DDR2: variants seen among roughly 807,000 people sequenced by gnomAD.
The protein encoded by DDR2 is discoidin domain-containing receptor 2.
A neutral mutation model predicts 94.9 loss-of-function variants in DDR2; 27 were observed. That is an observed-to-expected ratio of 0.28 (90% CI 0.21 to 0.39). DDR2 has a LOEUF of 0.39. Among genes scored for constraint, DDR2 ranks in the 10% least tolerant of loss-of-function variants. DDR2 has a pLI of 1.00. For synonymous variants in DDR2, 382 were observed against 377.2 expected (o/e 1.01, Z -0.15); for missense variants, 783 against 1,076.0 (o/e 0.73, Z 3.81).
At chr1:162,654,064 G>A (rs866114146) in intron 1 of DDR2, among the ~76,000 whole-genome samples, 3 of 152,196 alleles carry the variant, frequency 2.0e-5, no homozygotes, top group South Asian at 4.1e-4. Context: ...GTATGCAGAC[G>A]TGGAACTGTC....
In DDR2 at chr1:162,759,992, G is replaced by A. The variant is rs1016187923; in HGVS notation, c.855+13G>A. On this transcript the variant is annotated intron_variant, in intron 8 of 17. Transcript: ENST00000367921. ...CACTACCATGAAGGTCAGTGGGGTC[G>A]GGTGTGGTGGAACTTCTTTAAGGAG... The A allele has an allele frequency of 6.2e-6, 10 of 1,613,872 alleles. No individual in the cohort carries two copies. Among genetic ancestry groups the A allele is most frequent in the African/African-American group, 4.0e-5 (3 of 74,858 alleles).
intron 1 of DDR2, among the ~76,000 whole-genome samples, chr1:162,647,374 G>T (rs1221785562): frequency 1.3e-5 from 2 of 152,094 alleles, no homozygotes; most frequent in African/African-American, 2.4e-5. Context: ...TAGCTCTAAG[G>T]TCAATATGGA....
chr1:162,687,555 G>A (rs1168516150), intron 2 of DDR2, among the ~76,000 whole-genome samples: 1 of 152,094 alleles, frequency 6.6e-6, no homozygotes, highest in Non-Finnish European at 1.5e-5. Flanking sequence ...AACTGTCTTA[G>A]GAAAAGAGCT....
intron 7 of DDR2, among the ~76,000 whole-genome samples, chr1:162,758,984 G>A (rs1663588274): frequency 6.6e-6 from 1 of 152,108 alleles, no homozygotes; most frequent in South Asian, 2.1e-4. Context: ...CATACATGCA[G>A]TTATATTCCA....
intron 3 of DDR2, among the ~76,000 whole-genome samples, chr1:162,752,700 G>A (rs1442522003): frequency 1.3e-5 from 2 of 152,300 alleles, no homozygotes; most frequent in Non-Finnish European, 2.9e-5. Context: ...GGGTCATAAA[G>A]GCGCCTGGTG....
chr1:162,661,248 T>C (rs1332216880), intron 2 of DDR2, among the ~76,000 whole-genome samples: 2 of 152,178 alleles, frequency 1.3e-5, no homozygotes, highest in Non-Finnish European at 2.9e-5. Flanking sequence ...CCTCCACAAA[T>C]TGATTTCATT....
At chr1:162,673,123 C>G (rs938334169) in intron 2 of DDR2, among the ~76,000 whole-genome samples, 1 of 152,144 alleles carries the variant, frequency 6.6e-6, no homozygotes, top group East Asian at 1.9e-4. Flanking sequence ...GTATAACAAT[C>G]AGCTCAAATG....
rs1663433554 is a variant in DDR2 at position 162,755,783 on chromosome 1, A to G, written c.671+14A>G. The stretch of plus-strand genomic sequence containing the variant: ...TGTTGGATACAGGTAAATCCTGGGA[A>G]ACTTTATTAGAATGGGAAATTGGCC... On this transcript the variant is annotated intron_variant, in intron 7 of 17. Transcript: ENST00000367921. The G allele has an allele frequency of 1.2e-6, 2 of 1,608,422 alleles. No individual in the cohort carries two copies. Among genetic ancestry groups the G allele is most frequent in the African/African-American group, 1.3e-5 (1 of 74,802 alleles).
intron 2 of DDR2, among the ~76,000 whole-genome samples, chr1:162,717,534 C>T (rs1317040456): frequency 6.6e-6 from 1 of 152,118 alleles, no homozygotes; most frequent in Non-Finnish European, 1.5e-5. Context: ...CCCCTAATGT[C>T]CTTTGTCTGG....
At chr1:162,742,427 G>A (rs186463019) in intron 3 of DDR2, among the ~76,000 whole-genome samples, 4 of 152,354 alleles carry the variant, frequency 2.6e-5, no homozygotes, top group African/African-American at 7.2e-5. Context: ...GTGGGAGCAG[G>A]CATGTCACAT....
chr1:162,691,152 T>C (rs1659946065), intron 2 of DDR2, among the ~76,000 whole-genome samples: 1 of 152,178 alleles, frequency 6.6e-6, no homozygotes, highest in Non-Finnish European at 1.5e-5. Context: ...TTTAGTGGCC[T>C]TGTGAGTTCG....
In DDR2 at chr1:162,721,309, A is replaced by T. The variant is rs183520098; in HGVS notation, c.82+2164A>T. 1.5e-3 allele frequency among the ~76,000 whole-genome samples: 231 copies of T among 151,752 alleles called. 1 individual carries two copies. Among genetic ancestry groups the T allele is most frequent in the East Asian group, 0.012 (62 of 5,174 alleles). ...TTGGAGACAGCAAATAGTCATCTTA[A>T]TTTTTTTTTCTATTTCTGGTGTCAG... is the stretch of plus-strand genomic sequence containing the variant. On this transcript the variant is annotated intron_variant, in intron 3 of 17. Transcript: ENST00000367921.
chr1:162,661,900 T>G (rs1207069951), intron 2 of DDR2, among the ~76,000 whole-genome samples: 1 of 152,236 alleles, frequency 6.6e-6, no homozygotes, highest in Non-Finnish European at 1.5e-5. Context: ...TCTTACTTAG[T>G]TCCTTTTCCC....
Position 162,739,684 on chromosome 1 carries a change from C to T in DDR2, c.83-13411C>T, listed in dbSNP as rs147540683. The stretch of plus-strand genomic sequence containing the variant: ...TCTTTGCTATTGTGAATAGTGTGAG[C>T]GGAAGAATTTCATGATTTGATTTAC... On this transcript the variant is annotated intron_variant, in intron 3 of 17. Transcript: ENST00000367921. 1.5e-3 allele frequency among the ~76,000 whole-genome samples: 222 copies of T among 152,082 alleles called. 2 individuals are homozygous for T. The East Asian group carries it at 0.022, about 15-fold the overall frequency.
intron 2 of DDR2, among the ~76,000 whole-genome samples, chr1:162,655,677 C>T (rs1876984): frequency 0.92 from 139,499 of 152,238 alleles, 64,454 homozygotes; most frequent in Middle Eastern, 0.98. Context: ...AGCCAGGGTA[C>T]CTGGCCTCTT....
chr1:162,695,512 T>C (rs1660147917), intron 2 of DDR2, among the ~76,000 whole-genome samples: 1 of 152,190 alleles, frequency 6.6e-6, no homozygotes, highest in Admixed American at 6.5e-5. Context: ...ATTACAGGCA[T>C]GAGCCACCGT....
intron 2 of DDR2, among the ~76,000 whole-genome samples, chr1:162,708,597 A>G (rs941953712): frequency 6.6e-6 from 1 of 152,100 alleles, no homozygotes; most frequent in African/African-American, 2.4e-5. Context: ...AGTGGCTGCC[A>G]CTCAGTTCTC....
chr1:162,721,988 T>G (rs1482028513), intron 3 of DDR2, among the ~76,000 whole-genome samples: 1 of 152,216 alleles, frequency 6.6e-6, no homozygotes, highest in Non-Finnish European at 1.5e-5. Context: ...AGTATTAGCA[T>G]GATTTAGTTG....
intron 1 of DDR2, among the ~76,000 whole-genome samples, chr1:162,644,811 G>C (rs1657328226): frequency 6.6e-6 from 1 of 152,062 alleles, no homozygotes; most frequent in Admixed American, 6.6e-5. Context: ...GGCCAGGCTG[G>C]TCTCGAACTC....
Sources: allele counts gnomAD v4.1 joint callset (sites outside exome capture counted in the v4.1 genomes callset), GRCh38; gene constraint gnomAD v4.1.1; transcripts MANE v1.5; gene names NCBI Gene and HGNC (gene_info 2026-07-23, HGNC 2026-07-21).